STMN4: variants seen among roughly 807,000 people sequenced by gnomAD.
STMN4 encodes stathmin-4.
In STMN4, 12 loss-of-function variants were observed where a neutral mutation model predicts 29.1. The observed-to-expected ratio is 0.41, with a 90% confidence interval of 0.26 to 0.67. The LOEUF is 0.67. Ranked by LOEUF, STMN4 falls within the 30% of genes least tolerant of loss-of-function variation. The pLI, the probability that STMN4 is intolerant of heterozygous loss-of-function variation, is 0.30. For synonymous variants in STMN4, 114 were observed against 105.3 expected, an observed-to-expected ratio of 1.08 and a Z score of -0.51; for missense variants, 181 against 262.8, an observed-to-expected ratio of 0.69 and a Z score of 2.15.
At chr8:27,254,809 G>A (rs1330082693) in intron 1 of STMN4, among the ~76,000 whole-genome samples, 1 of 133,686 alleles carries the variant, frequency 7.5e-6, no homozygotes, top group Middle Eastern at 3.8e-3. Context: ...TGGGGTGGGA[G>A]TGTTCAGATG....
intron 1 of STMN4, among the ~76,000 whole-genome samples, chr8:27,257,997 G>A (rs542586912): frequency 6.6e-6 from 1 of 152,304 alleles, no homozygotes; most frequent in South Asian, 2.1e-4. Flanking sequence ...GGATCTTCAG[G>A]TCACAGCCAG....
intron 1 of STMN4, among the ~76,000 whole-genome samples, chr8:27,250,427 T>C (rs1801749475): frequency 6.6e-6 from 1 of 152,242 alleles, no homozygotes; most frequent in Admixed American, 6.5e-5. Context: ...ACAGGAGTTT[T>C]TGTTGGTGGA....
chr8:27,242,246 C>T (rs1304729928), intron 3 of STMN4, 151 bp downstream of exon 3: 7 of 794,992 alleles, frequency 8.8e-6, no homozygotes, highest in Non-Finnish European at 1.4e-5. Context: ...AGCTCAGACC[C>T]TCGGGCTCAC....
At chr8:27,254,488 C>T (rs989261566) in intron 1 of STMN4, among the ~76,000 whole-genome samples, 2 of 152,234 alleles carry the variant, frequency 1.3e-5, no homozygotes, top group Middle Eastern at 3.2e-3. Flanking sequence ...TCCCTCCACC[C>T]GCCTCTGACA....
intron 1 of STMN4, among the ~76,000 whole-genome samples, chr8:27,257,769 G>A (rs1161759023): frequency 1.3e-5 from 2 of 152,168 alleles, no homozygotes; most frequent in Non-Finnish European, 2.9e-5. Context: ...CAGCTTTGGA[G>A]CCAGCCACCT....
At chr8:27,247,971 C>G (rs1252804164) in intron 1 of STMN4, among the ~76,000 whole-genome samples, 1 of 152,204 alleles carries the variant, frequency 6.6e-6, no homozygotes, top group East Asian at 1.9e-4. Flanking sequence ...CCAGGAAATT[C>G]ATTGCATCCA....
intron 4 of STMN4, 105 bp downstream of exon 4, chr8:27,241,572 G>T: frequency 7.3e-7 from 1 of 1,362,556 alleles, no homozygotes; most frequent in Non-Finnish European, 1.0e-6. Flanking sequence ...TGCTCAATTT[G>T]TCGTCCGTGG....
chr8:27,239,160 A>T, intron 6 of STMN4: 1 of 1,503,160 alleles, frequency 6.7e-7, no homozygotes, highest in Non-Finnish European at 8.9e-7. Flanking sequence ...TCCTTCTAGG[A>T]CCTGTTGCCA....
At chr8:27,239,691 T>A (rs1244212785) in intron 6 of STMN4, 19 of 1,439,286 alleles carry the variant, frequency 1.3e-5, no homozygotes, top group Non-Finnish European at 1.5e-5. Flanking sequence ...AGGCTTCTTC[T>A]AGAAAATCAG....
rs375787381 is a variant in STMN4, at chr8:27,241,207, C to G, written c.246G>C (p.Leu82=). Residue 82 remains leucine (L), a synonymous_variant, in exon 5 of 7, where the codon CTG becomes CTC. Coordinates refer to ENST00000350889, the MANE Select transcript of STMN4 (RefSeq NM_030795.4). ...CVISDMEVIE[L]NKCTSGQSFE... is the part of the protein sequence containing the mutation. ...AGGATTGGCCCGAGGTGCATTTGTT[C>G]AGCTCGATGACTTCCATGTCGGAAA... 5.6e-6 allele frequency: 9 copies of G among 1,614,118 alleles called. No individual in the cohort carries two copies. The Admixed American group carries it at 1.5e-4, about 27-fold the overall frequency.
chr8:27,245,014 C>T (rs1801586234), intron 1 of STMN4, among the ~76,000 whole-genome samples: 1 of 152,126 alleles, frequency 6.6e-6, no homozygotes, highest in Non-Finnish European at 1.5e-5. Context: ...AACCCCTTGC[C>T]TTTCTGTGCT....
chr8:27,242,511 A>G lies in STMN4; in HGVS notation c.14-19T>C, dbSNP rs779294051. ...TTGTAGGCTGCGGAAACACCCAGTC[A>G]GGTGAGGATGGCGCCTCTCCTAGCC... On this transcript the variant is annotated intron_variant, in intron 2 of 6. Coordinates refer to ENST00000350889, the MANE Select transcript of STMN4 (RefSeq NM_030795.4). The G allele has an allele frequency of 3.1e-6, 5 of 1,613,140 alleles. No individual in the cohort carries two copies. Among genetic ancestry groups the G allele is most frequent in the African/African-American group, 1.3e-5 (1 of 75,042 alleles).
chr8:27,240,536 G>A (rs571217190), intron 5 of STMN4, among the ~76,000 whole-genome samples: 2 of 152,298 alleles, frequency 1.3e-5, no homozygotes, highest in Admixed American at 1.3e-4. Context: ...CCAGACTAGT[G>A]TAGACATATG....
chr8:27,254,399 G>A (rs1360811067), intron 1 of STMN4, among the ~76,000 whole-genome samples: 3 of 152,142 alleles, frequency 2.0e-5, no homozygotes, highest in South Asian at 2.1e-4. Context: ...CCAAACTCTC[G>A]AGTTGCCTAA....
Position 27,250,327 on chromosome 8 carries a change from T to G in STMN4, c.-78-6526A>C. ...TTTAAAATCAAAAGGAGATAAATTA[T>G]TTTTTCATAAATGTGGTTTTCATTC... On this transcript the variant is annotated intron_variant, in intron 1 of 6. Transcript: ENST00000350889. 1.3e-5 allele frequency among the ~76,000 whole-genome samples: 2 copies of G among 152,266 alleles called. 1 individual carries two copies. The highest frequency in any genetic ancestry group is 3.8e-4 in the East Asian group (2 of 5,200).
intron 1 of STMN4, among the ~76,000 whole-genome samples, chr8:27,246,230 G>T (rs1213204563): frequency 6.6e-6 from 1 of 152,172 alleles, no homozygotes; most frequent in East Asian, 1.9e-4. Flanking sequence ...CACAGAGAAG[G>T]TCAGAAAGCC....
intron 5 of STMN4, 40 bp downstream of exon 5, chr8:27,241,014 T>C: frequency 5.7e-6 from 9 of 1,578,136 alleles, no homozygotes; most frequent in Non-Finnish European, 7.8e-6. Flanking sequence ...CCCTCCCCTT[T>C]ATGCTGAGAG....
At chr8:27,239,679 A>T (rs1382558425) in intron 6 of STMN4, 2 of 1,433,734 alleles carry the variant, frequency 1.4e-6, no homozygotes, top group Non-Finnish European at 1.8e-6. Flanking sequence ...TTTGTATTAG[A>T]CAGGCTTCTT....
At chr8:27,254,977 G>T (rs1053231447) in intron 1 of STMN4, among the ~76,000 whole-genome samples, 2 of 151,986 alleles carry the variant, frequency 1.3e-5, no homozygotes, top group Admixed American at 1.3e-4. Flanking sequence ...GGGGGTTCAT[G>T]TGTGTGCATG....
Sources: gnomAD v4.1 joint callset for allele counts (sites outside exome capture counted in the v4.1 genomes callset) on GRCh38, gnomAD v4.1.1 for gene constraint, MANE v1.5 for transcripts, NCBI Gene and HGNC (gene_info 2026-07-23, HGNC 2026-07-21) for gene names.